SGPL1: variants seen among roughly 807,000 people sequenced by gnomAD.
SGPL1 encodes SP-lyase 1.
A neutral mutation model predicts 68.9 loss-of-function variants in SGPL1; 37 were observed. The ratio of observed to expected loss-of-function variants is 0.54; its 90% CI spans 0.41 to 0.71. The LOEUF (loss-of-function observed/expected upper bound fraction) is 0.71, where lower values mean the gene tolerates loss of function less well. SGPL1 is among the 30% of genes least tolerant of loss of function. The pLI is 0.00. For synonymous variants in SGPL1, 236 were observed against 248.5 expected, an observed-to-expected ratio of 0.95 and a Z score of 0.47; for missense variants, 551 against 704.6, an observed-to-expected ratio of 0.78 and a Z score of 2.47.
At chr10:70,863,485 TTTTA>T (rs553012127) in intron 7 of SGPL1, among the ~76,000 whole-genome samples, 52 of 152,188 alleles carry the variant, frequency 3.4e-4, no homozygotes, top group African/African-American at 1.1e-3. Flanking sequence ...TGTGATTTTA[TTTTA>T]TTTATTTATT....
At chr10:70,861,694 A>G (rs1564628222) in intron 7 of SGPL1, among the ~76,000 whole-genome samples, 1 of 152,320 alleles carries the variant, frequency 6.6e-6, no homozygotes, top group African/African-American at 2.4e-5. Flanking sequence ...CGGGCCAGCT[A>G]GAGTTCCCGG....
chr10:70,872,041 T>C (rs1461432038), intron 11 of SGPL1, 55 bp downstream of exon 11: 4 of 1,532,938 alleles, frequency 2.6e-6, no homozygotes, highest in Non-Finnish European at 3.6e-6. Context: ...CTATTATTGA[T>C]AAAATAAATT....
chr10:70,857,662 A>G lies in SGPL1; in HGVS notation c.458A>G (p.Glu153Gly). 5 of 1,612,696 alleles carry G rather than the reference A, an allele frequency of 3.1e-6. No homozygotes were observed. Among genetic ancestry groups the G allele is most frequent in the Non-Finnish European group, 3.4e-6 (4 of 1,179,254 alleles). The change falls in exon 6 of 15, where the codon GAG becomes GGG. Residue 153 changes from glutamate to glycine, a missense_variant. Coordinates refer to ENST00000373202, the MANE Select transcript of SGPL1 (RefSeq NM_003901.4). Reference sequence around the variant, plus strand: ...GCCTCTGGAACAGTGTACAGTGGGGAGGAGAAGCTCACTGAGCTCCTTGTG... The same window carrying G: ...GCCTCTGGAACAGTGTACAGTGGGGGGGAGAAGCTCACTGAGCTCCTTGTG... ...GRASGTVYSGEEKLTELLVKA... is the reference protein window; with the variant it reads ...GRASGTVYSGGEKLTELLVKA...
chr10:70,840,238 C>T (rs147208877), intron 2 of SGPL1, among the ~76,000 whole-genome samples: 1 of 152,196 alleles, frequency 6.6e-6, no homozygotes, highest in African/African-American at 2.4e-5. Context: ...CTAGACTTCA[C>T]TTAATCACAA....
In SGPL1 at chr10:70,873,452, T is replaced by C. The variant is rs563388164; in HGVS notation, c.1161T>C (p.Tyr387=). Residue 387 remains tyrosine (Y), a synonymous_variant, in exon 12 of 15, where the codon TAT becomes TAC. Transcript: ENST00000373202. ...ATACAGATTGGCAGGGTGGCATCTA[T>C]GCTTCCCCAACCATCGCAGGCTCAC... ...FVDTDWQGGI[Y]ASPTIAGSRP... is the part of the protein sequence containing the mutation. 2 of 1,614,268 alleles carry C rather than the reference T, an allele frequency of 1.2e-6. No individual in the cohort carries two copies. Among genetic ancestry groups the C allele is most frequent in the South Asian group, 2.2e-5 (2 of 91,090 alleles).
intron 9 of SGPL1, 28 bp downstream of exon 9, chr10:70,869,925 T>A (rs748155413): frequency 6.4e-7 from 1 of 1,574,146 alleles, no homozygotes; most frequent in Non-Finnish European, 8.7e-7. Context: ...GCCCACTGTC[T>A]GTGCTGGGCC....
chr10:70,838,097 A>G (rs1466461845), intron 2 of SGPL1, among the ~76,000 whole-genome samples: 1 of 152,140 alleles, frequency 6.6e-6, no homozygotes, highest in Non-Finnish European at 1.5e-5. Context: ...TTTAGGGGGG[A>G]CATTCAAATC....
chr10:70,831,196 C>T (rs536329283), intron 2 of SGPL1, among the ~76,000 whole-genome samples: 27 of 152,210 alleles, frequency 1.8e-4, no homozygotes, highest in African/African-American at 5.5e-4. Context: ...CATTGGAAGC[C>T]GTAGGGAAAA....
At chr10:70,835,330 C>T (rs1845608048) in intron 2 of SGPL1, among the ~76,000 whole-genome samples, 1 of 152,054 alleles carries the variant, frequency 6.6e-6, no homozygotes, top group Admixed American at 6.6e-5. Flanking sequence ...GAGTTGAATT[C>T]TTTCCTTCTA....
At chr10:70,835,587 T>C (rs1483277797) in intron 2 of SGPL1, among the ~76,000 whole-genome samples, 2 of 151,784 alleles carry the variant, frequency 1.3e-5, no homozygotes, top group Admixed American at 1.3e-4. Flanking sequence ...ATACAAAAAA[T>C]TAGCTGGGAG....
chr10:70,856,571 C>A (rs1845966826), intron 5 of SGPL1, among the ~76,000 whole-genome samples: 1 of 152,222 alleles, frequency 6.6e-6, no homozygotes, highest in Non-Finnish European at 1.5e-5. Context: ...CTGGTGACCA[C>A]TGGTCTGAAG....
intron 2 of SGPL1, among the ~76,000 whole-genome samples, chr10:70,838,938 T>C (rs1349525397): frequency 6.6e-6 from 1 of 152,206 alleles, no homozygotes; most frequent in Non-Finnish European, 1.5e-5. Context: ...TGAAACAGTT[T>C]GAAACTCAGT....
At chr10:70,859,331 T>G (rs1846011743) in intron 6 of SGPL1, 40 bp from the exon 7 acceptor site, 1 of 1,360,242 alleles carries the variant, frequency 7.4e-7, no homozygotes, top group Non-Finnish European at 9.6e-7. Context: ...CTGTATAGTG[T>G]AATAGTTTTG....
rs745495755 is a variant in SGPL1 at position 70,869,886 on chromosome 10, G to T, written c.799G>T (p.Val267Leu). 2.5e-6 allele frequency: 4 copies of T among 1,613,854 alleles called. No homozygotes were observed. Among genetic ancestry groups the T allele is most frequent in the Non-Finnish European group, 3.4e-6 (4 of 1,179,828 alleles). The change falls in exon 9 of 15, where the codon GTG becomes TTG. Residue 267 changes from valine (V) to leucine (L), a missense_variant. Coordinates refer to ENST00000373202, the MANE Select transcript of SGPL1 (RefSeq NM_003901.4). ...GGTCCCATTGACGAAGATGATGGAG[G>T]TGGATGTGCGGGTGAGTCCCTCTGG... ...VRVPLTKMME[V>L]DVRAMRRAIS...
chr10:70,835,661 G>A (rs1392258323), intron 2 of SGPL1, among the ~76,000 whole-genome samples: 1 of 150,654 alleles, frequency 6.6e-6, no homozygotes, highest in African/African-American at 2.4e-5. Context: ...GCTTGAACCC[G>A]GGAGGTGGAG....
At chr10:70,820,994 G>T (rs1400473559) in intron 2 of SGPL1, among the ~76,000 whole-genome samples, 1 of 152,180 alleles carries the variant, frequency 6.6e-6, no homozygotes, top group Admixed American at 6.5e-5. Flanking sequence ...ACCTGGAGAT[G>T]ACCTGGAGTC....
intron 2 of SGPL1, among the ~76,000 whole-genome samples, chr10:70,822,451 C>G (rs930639549): frequency 2.6e-5 from 4 of 152,154 alleles, no homozygotes; most frequent in Non-Finnish European, 1.5e-5. Flanking sequence ...TTTACCCAAT[C>G]TAATATTATA....
At chr10:70,868,243 A>G (rs770439350) in intron 7 of SGPL1, 102 bp from the exon 8 acceptor site, 3 of 877,494 alleles carry the variant, frequency 3.4e-6, no homozygotes, top group Non-Finnish European at 5.3e-6. Context: ...GCATGCATCC[A>G]AGACCTTATC....
chr10:70,850,573 C>G (rs765091564), intron 3 of SGPL1, among the ~76,000 whole-genome samples: 2 of 152,000 alleles, frequency 1.3e-5, no homozygotes, highest in Non-Finnish European at 2.9e-5. Flanking sequence ...TGTAGGTGTG[C>G]AGTATGGTGT....
Sources: gnomAD v4.1 joint callset for allele counts (sites outside exome capture counted in the v4.1 genomes callset) on GRCh38, gnomAD v4.1.1 for gene constraint, MANE v1.5 for transcripts, NCBI Gene and HGNC (gene_info 2026-07-23, HGNC 2026-07-21) for gene names.